The following LINGO2 variants were observed in gnomAD, a reference collection of about 807,000 sequenced individuals.
The protein encoded by LINGO2 is leucine rich repeat and Ig domain containing 2, also known as leucine-rich repeat and immunoglobulin-like domain-containing nogo receptor-interacting protein 2.
A neutral mutation model predicts 30.6 loss-of-function variants in LINGO2; 14 were observed. That is an observed-to-expected ratio of 0.46 (90% CI 0.30 to 0.72). The LOEUF is 0.72. Ranked by LOEUF, LINGO2 falls within the 30% of genes least tolerant of loss-of-function variation. The probability of loss-of-function intolerance (pLI) is 0.07; values close to 1 mark genes in which losing one functional copy is unlikely to be tolerated. For synonymous variants in LINGO2, 317 were observed against 288.5 expected (o/e 1.10, Z -1.00); for missense variants, 729 against 751.7 (o/e 0.97, Z 0.35).
chr9:28,992,207 G>A, the LINGO2 span, among the ~76,000 whole-genome samples: 3 of 151,658 alleles, frequency 2.0e-5, no homozygotes, highest in Non-Finnish European at 2.9e-5. Flanking sequence ...AAAGGCAGGG[G>A]TTGCAATCCT....
At chr9:29,039,104 T>C in the LINGO2 span, among the ~76,000 whole-genome samples, 1 of 152,138 alleles carries the variant, frequency 6.6e-6, no homozygotes, top group Non-Finnish European at 1.5e-5. Context: ...GGCAAATTCA[T>C]ACTGCTTCAT....
At chr9:28,700,551 G>T in the LINGO2 span, among the ~76,000 whole-genome samples, 1 of 151,940 alleles carries the variant, frequency 6.6e-6, no homozygotes, top group South Asian at 2.1e-4. Flanking sequence ...GACATTTTGG[G>T]TGCTTCCAAG....
chr9:28,009,409 A>C (rs1465172416), intron 5 of LINGO2, among the ~76,000 whole-genome samples: 1 of 151,936 alleles, frequency 6.6e-6, no homozygotes, highest in Admixed American at 6.6e-5. Context: ...TGCTGCAAAT[A>C]ATACCATTAA....
the LINGO2 span, among the ~76,000 whole-genome samples, chr9:28,980,488 C>T: frequency 5.9e-3 from 899 of 152,192 alleles, 8 homozygotes; most frequent in African/African-American, 0.021. Context: ...CCTTCCACGA[C>T]GTCTCTGGAG....
At chr9:28,034,017 G>A (rs956568412) in intron 4 of LINGO2, among the ~76,000 whole-genome samples, 3 of 152,216 alleles carry the variant, frequency 2.0e-5, no homozygotes, top group Non-Finnish European at 4.4e-5. Flanking sequence ...TCCCTTCTAA[G>A]AGATGCCTTA....
At chr9:28,942,985 G>A in the LINGO2 span, among the ~76,000 whole-genome samples, 8 of 152,298 alleles carry the variant, frequency 5.3e-5, no homozygotes, top group South Asian at 1.5e-3. Flanking sequence ...TGTATGCTTA[G>A]GAATAGGAGA....
chr9:28,770,906 G>A, the LINGO2 span, among the ~76,000 whole-genome samples: 146 of 152,256 alleles, frequency 9.6e-4, no homozygotes, highest in Non-Finnish European at 1.8e-3. Flanking sequence ...CCTTTACTAT[G>A]GATCTACGTA....
chr9:29,151,000 G>A, the LINGO2 span, among the ~76,000 whole-genome samples: 1 of 151,956 alleles, frequency 6.6e-6, no homozygotes, highest in African/African-American at 2.4e-5. Flanking sequence ...TATATTAAAA[G>A]GCATCTAGAG....
intron 1 of LINGO2, among the ~76,000 whole-genome samples, chr9:28,639,414 G>A (rs1827458002): frequency 6.6e-6 from 1 of 152,148 alleles, no homozygotes; most frequent in Non-Finnish European, 1.5e-5. Flanking sequence ...AATGTTGACA[G>A]TGGGGTGTTA....
At chr9:28,884,897 A>G in the LINGO2 span, among the ~76,000 whole-genome samples, 2 of 130,324 alleles carry the variant, frequency 1.5e-5, no homozygotes, top group South Asian at 2.3e-4. Context: ...GTATATAGAT[A>G]CTATATATAT....
At chr9:29,046,845 G>A in the LINGO2 span, among the ~76,000 whole-genome samples, 17 of 152,038 alleles carry the variant, frequency 1.1e-4, no homozygotes, top group Admixed American at 6.6e-4. Flanking sequence ...CTGGGAAGCC[G>A]AGGCAGACAG....
chr9:28,409,878 G>C (rs375368400), intron 2 of LINGO2, among the ~76,000 whole-genome samples: 1 of 141,900 alleles, frequency 7.0e-6, no homozygotes, highest in African/African-American at 3.1e-5. Context: ...TCACGATAGA[G>C]AGGGAGAAAG....
chr9:28,684,749 C>T, the LINGO2 span, among the ~76,000 whole-genome samples: 2 of 151,344 alleles, frequency 1.3e-5, no homozygotes, highest in East Asian at 3.9e-4. Context: ...TAACTTCTGA[C>T]CTCAAGTGAT....
At chr9:29,089,909 A>G in the LINGO2 span, among the ~76,000 whole-genome samples, 2 of 152,164 alleles carry the variant, frequency 1.3e-5, no homozygotes, top group South Asian at 2.1e-4. Context: ...GTTGACTGCT[A>G]TATCTACATA....
rs561889206 is a variant in LINGO2 at position 28,040,945 on chromosome 9, C to T, written c.-86-28540G>A. Among the ~76,000 whole-genome samples the T allele has an allele frequency of 2.3e-4, 35 of 152,226 alleles. No homozygotes were observed. The South Asian group carries it at 7.1e-3, about 31-fold the overall frequency. On this transcript the variant is annotated intron_variant, in intron 4 of 5. Transcript: ENST00000379992. ...ATTGACCTATAGTATATATTCTACC[C>T]AGGAAGTTATCAATTTGGCAGGAAA...
chr9:28,363,580 A>T (rs1820540300), intron 3 of LINGO2, among the ~76,000 whole-genome samples: 1 of 152,188 alleles, frequency 6.6e-6, no homozygotes, highest in Non-Finnish European at 1.5e-5. Context: ...GGAACACAGG[A>T]CTTTATTATT....
the LINGO2 span, among the ~76,000 whole-genome samples, chr9:29,056,790 A>C: frequency 2.0e-5 from 3 of 151,794 alleles, no homozygotes; most frequent in African/African-American, 7.3e-5. Flanking sequence ...AGATCTTTCT[A>C]CATTCTTCTA....
At chr9:29,125,080 A>T in the LINGO2 span, among the ~76,000 whole-genome samples, 1 of 152,214 alleles carries the variant, frequency 6.6e-6, no homozygotes, top group South Asian at 2.1e-4. Context: ...CTATGCAGCC[A>T]TAAAAAAGAA....
chr9:28,008,619 A>G (rs1400697817), intron 5 of LINGO2, among the ~76,000 whole-genome samples: 1 of 152,168 alleles, frequency 6.6e-6, no homozygotes, highest in Admixed American at 6.5e-5. Flanking sequence ...AGATCAATAT[A>G]AATACATAAA....
Sources: allele counts gnomAD v4.1 joint callset (sites outside exome capture counted in the v4.1 genomes callset), GRCh38; gene constraint gnomAD v4.1.1; transcripts MANE v1.5; gene names NCBI Gene and HGNC (gene_info 2026-07-23, HGNC 2026-07-21).